The following PTBP3 variants were observed in gnomAD, a reference collection of about 807,000 sequenced individuals.
PTBP3 encodes the protein polypyrimidine tract-binding protein 3.
PTBP3 carries 20 observed loss-of-function variants against 58.7 expected under a neutral mutation model. That is an observed-to-expected ratio of 0.34 (90% CI 0.24 to 0.50). The LOEUF (loss-of-function observed/expected upper bound fraction) is 0.50. Ranked by LOEUF, PTBP3 falls within the 20% of genes least tolerant of loss-of-function variation. PTBP3 has a pLI of 0.98. For synonymous variants in PTBP3, 185 were observed against 219.8 expected (o/e 0.84, Z 1.40); for missense variants, 509 against 637.2 (o/e 0.80, Z 2.17).
chr9:112,354,888 G>C, the PTBP3 span, among the ~76,000 whole-genome samples: 32 of 152,208 alleles, frequency 2.1e-4, no homozygotes, highest in Admixed American at 5.9e-4. Flanking sequence ...CAGGGGTAAA[G>C]TTACATTGAT....
chr9:112,361,017 C>T, the PTBP3 span, among the ~76,000 whole-genome samples: 36,956 of 151,984 alleles, frequency 0.24, 4,914 homozygotes, highest in East Asian at 0.36. Context: ...TCAATTTGAT[C>T]AGGCATTTTC....
the PTBP3 span, among the ~76,000 whole-genome samples, chr9:112,370,392 A>G: frequency 6.6e-6 from 1 of 152,142 alleles, no homozygotes; most frequent in Admixed American, 6.5e-5. Context: ...AAATACAAAA[A>G]AATAGTGGTG....
At chr9:112,318,833 A>T (rs929831566) in intron 1 of PTBP3, among the ~76,000 whole-genome samples, 3 of 151,784 alleles carry the variant, frequency 2.0e-5, no homozygotes, top group African/African-American at 7.3e-5. Context: ...AAATTAAGAA[A>T]ATTTCATTTA....
At chr9:112,358,298 ACT>A in the PTBP3 span, among the ~76,000 whole-genome samples, 1 of 152,050 alleles carries the variant, frequency 6.6e-6, no homozygotes, top group Non-Finnish European at 1.5e-5. Context: ...AGACAGTGAG[ACT>A]CTGTCTCAAA....
chr9:112,364,848 CACTA>C, the PTBP3 span, among the ~76,000 whole-genome samples: 52 of 152,198 alleles, frequency 3.4e-4, no homozygotes, highest in East Asian at 7.3e-3. Flanking sequence ...CATACATTAC[CACTA>C]ACTAAGTCAC....
intron 7 of PTBP3, among the ~76,000 whole-genome samples, chr9:112,246,129 C>T (rs1368044287): frequency 6.6e-6 from 1 of 151,782 alleles, no homozygotes; most frequent in Non-Finnish European, 1.5e-5. Flanking sequence ...ACTACAGTCA[C>T]GTGCCACCAC....
the PTBP3 span, among the ~76,000 whole-genome samples, chr9:112,372,698 CACA>C: frequency 8.7e-4 from 132 of 152,254 alleles, no homozygotes; most frequent in African/African-American, 2.9e-3. Flanking sequence ...TTTCACTTAG[CACA>C]ACGTTTTTGA....
chr9:112,327,260 A>T (rs1456079931), intron 1 of PTBP3, among the ~76,000 whole-genome samples: 2 of 152,036 alleles, frequency 1.3e-5, no homozygotes, highest in Non-Finnish European at 2.9e-5. Context: ...TAAGCATTTC[A>T]AAATATAAAA....
chr9:112,276,718 A>T (rs1827627474), intron 2 of PTBP3, among the ~76,000 whole-genome samples: 1 of 152,138 alleles, frequency 6.6e-6, no homozygotes, highest in African/African-American at 2.4e-5. Context: ...ATTTACCCTG[A>T]AGTTGGAGAA....
At chr9:112,261,821 C>T (rs112976359) in intron 5 of PTBP3, among the ~76,000 whole-genome samples, 3,267 of 152,250 alleles carry the variant, frequency 0.021, 119 homozygotes, top group African/African-American at 0.075. Flanking sequence ...TCTTCAATTA[C>T]GCTCTACAAT....
At chr9:112,241,601 A>G (rs753566022) in intron 7 of PTBP3, among the ~76,000 whole-genome samples, 4 of 152,206 alleles carry the variant, frequency 2.6e-5, no homozygotes, top group African/African-American at 4.8e-5. Context: ...GTAACATGCC[A>G]TACAGTCTAG....
the PTBP3 span, among the ~76,000 whole-genome samples, chr9:112,359,878 A>C: frequency 6.6e-6 from 1 of 152,194 alleles, no homozygotes; most frequent in South Asian, 2.1e-4. Context: ...CAATATACAC[A>C]TAATCTCACC....
At chr9:112,379,844 AGG>A in the PTBP3 span, 1 of 507,076 alleles carries the variant, frequency 2.0e-6, no homozygotes. Context: ...CCCAGACGCT[AGG>A]CGCCGACAGG....
chr9:112,332,993 G>A, intron 1 of PTBP3: 3 of 1,296,674 alleles, frequency 2.3e-6, no homozygotes, highest in Non-Finnish European at 2.9e-6. Flanking sequence ...GTGTACCGAC[G>A]CGTGCACCCG....
At chr9:112,350,458 C>T in the PTBP3 span, among the ~76,000 whole-genome samples, 1 of 152,080 alleles carries the variant, frequency 6.6e-6, no homozygotes, top group Non-Finnish European at 1.5e-5. Context: ...ACGCCCAGTA[C>T]CCAATTTTTG....
chr9:112,312,880 C>T (rs904843677), intron 1 of PTBP3, among the ~76,000 whole-genome samples: 10 of 151,766 alleles, frequency 6.6e-5, no homozygotes, highest in Admixed American at 3.9e-4. Context: ...CCTGTTTCTA[C>T]AAAATACACA....
chr9:112,301,875 G>A (rs1427554725), intron 1 of PTBP3, among the ~76,000 whole-genome samples: 1 of 152,076 alleles, frequency 6.6e-6, no homozygotes, highest in Non-Finnish European at 1.5e-5. Flanking sequence ...ATCTCTAATT[G>A]TTTGAAAAGT....
intron 1 of PTBP3, among the ~76,000 whole-genome samples, chr9:112,327,722 T>C (rs965668488): frequency 3.3e-4 from 50 of 151,576 alleles, no homozygotes; most frequent in African/African-American, 1.1e-3. Context: ...GCCTGAAAAA[T>C]GTTACCTGTC....
At chr9:112,338,849 A>C in the PTBP3 span, among the ~76,000 whole-genome samples, 3 of 152,178 alleles carry the variant, frequency 2.0e-5, no homozygotes, top group African/African-American at 4.8e-5. Flanking sequence ...TGAAGTTCTT[A>C]ATATGGCCAG....
Sources: gnomAD v4.1 joint callset for allele counts (sites outside exome capture counted in the v4.1 genomes callset) on GRCh38, gnomAD v4.1.1 for gene constraint, MANE v1.5 for transcripts, NCBI Gene and HGNC (gene_info 2026-07-23, HGNC 2026-07-21) for gene names.